Variants in CHCHD3 observed in about 807,000 individuals in gnomAD.
CHCHD3 encodes coiled-coil-helix-coiled-coil-helix domain containing 3.
CHCHD3 carries 20 observed loss-of-function variants against 38.2 expected under a neutral mutation model. The ratio of observed to expected loss-of-function variants is 0.52; its 90% CI spans 0.37 to 0.76. CHCHD3 has a LOEUF of 0.76. Ranked by LOEUF, CHCHD3 falls within the 30% of genes least tolerant of loss-of-function variation. The pLI is 0.00. For missense variants in CHCHD3, 245 were observed against 279.2 expected, an observed-to-expected ratio of 0.88 and a Z score of 0.87; for synonymous variants, 82 against 100.0, an observed-to-expected ratio of 0.82 and a Z score of 1.07.
At chr7:132,978,883 C>G (rs1811842953) in intron 3 of CHCHD3, among the ~76,000 whole-genome samples, 1 of 152,138 alleles carries the variant, frequency 6.6e-6, no homozygotes, top group Non-Finnish European at 1.5e-5. Context: ...TTCATCCTTA[C>G]AAATAGAACT....
chr7:133,004,618 A>T lies in CHCHD3; in HGVS notation c.251+19928T>A, dbSNP rs1458766437. Among the ~76,000 whole-genome samples the T allele has an allele frequency of 2.0e-5, 3 of 152,370 alleles. No homozygotes were observed. The East Asian group carries it at 5.8e-4, about 29-fold the overall frequency. On this transcript the variant is annotated intron_variant, in intron 3 of 7. Transcript: ENST00000262570. The stretch of plus-strand genomic sequence containing the variant: ...AGAAGTTGTATATCCAAAGAGAATG[A>T]GAACAGGACACTAACTAAAGACACT...
chr7:132,810,060 G>C (rs1033075658), intron 6 of CHCHD3, among the ~76,000 whole-genome samples: 1 of 152,140 alleles, frequency 6.6e-6, no homozygotes, highest in Admixed American at 6.5e-5. Context: ...AAGGTAACTG[G>C]TAAGGAAAAG....
At chr7:133,002,168 CA>C (rs1812591535) in intron 3 of CHCHD3, among the ~76,000 whole-genome samples, 1 of 152,128 alleles carries the variant, frequency 6.6e-6, no homozygotes, top group African/African-American at 2.4e-5. Flanking sequence ...ATCTTCACTT[CA>C]AAGAGAGAAA....
intron 6 of CHCHD3, among the ~76,000 whole-genome samples, chr7:132,835,399 T>C (rs1184550229): frequency 6.6e-6 from 1 of 152,224 alleles, no homozygotes; most frequent in Non-Finnish European, 1.5e-5. Flanking sequence ...AGTTTGGCCA[T>C]ATTATTAATT....
intron 4 of CHCHD3, among the ~76,000 whole-genome samples, chr7:132,965,045 A>T (rs1323094642): frequency 7.5e-6 from 1 of 133,240 alleles, no homozygotes; most frequent in Non-Finnish European, 1.7e-5. Flanking sequence ...TAGGCTCATA[A>T]TGCTATGGGT....
intron 2 of CHCHD3, among the ~76,000 whole-genome samples, chr7:133,030,279 T>C (rs749067777): frequency 3.9e-5 from 6 of 152,206 alleles, no homozygotes; most frequent in Non-Finnish European, 8.8e-5. Context: ...CTGATAGGTC[T>C]GACCCAAAGT....
chr7:132,796,519 G>A lies in CHCHD3; in HGVS notation c.583C>T (p.Arg195Cys), dbSNP rs747561997. The A allele has an allele frequency of 7.2e-5, 116 of 1,613,668 alleles. No homozygotes were observed. Among genetic ancestry groups the A allele is most frequent in the African/African-American group, 4.0e-4 (30 of 74,856 alleles). ...TTGAGGGTCTGGTGGGTGTTCTCACGGTAACACTGAAGAATTTTGGCCTGC... is the reference window on the plus strand; with the variant it reads ...TTGAGGGTCTGGTGGGTGTTCTCACAGTAACACTGAAGAATTTTGGCCTGC... ...DLQAKILQCY[R>C]ENTHQTLKCS... The change falls in exon 7 of 8, where the codon CGT becomes TGT. Residue 195 changes from arginine (R) to cysteine (C), a missense_variant. Coordinates refer to ENST00000262570, the MANE Select transcript of CHCHD3 (RefSeq NM_017812.4).
intron 7 of CHCHD3, among the ~76,000 whole-genome samples, chr7:132,793,908 T>C (rs576689921): frequency 6.6e-6 from 1 of 152,332 alleles, no homozygotes; most frequent in East Asian, 1.9e-4. Context: ...GGACTACGTA[T>C]CTTGCCGGAG....
intron 3 of CHCHD3, among the ~76,000 whole-genome samples, chr7:132,984,845 G>A (rs1812047140): frequency 8.4e-6 from 1 of 118,872 alleles, no homozygotes. Flanking sequence ...CGGTCTGGGA[G>A]GGAGGTGGGG....
rs187220121 is a variant in CHCHD3 at position 133,040,125 on chromosome 7, A to C, written c.170-15498T>G. ...CCTTTGTCAGACCTAGAAGAATCAA[A>C]GGATAGCCTCAAAAACATGCAGACT... On this transcript the variant is annotated intron_variant, in intron 2 of 7. Transcript: ENST00000262570. 1.4e-4 allele frequency among the ~76,000 whole-genome samples: 21 copies of C among 152,324 alleles called. 1 individual carries two copies. Among genetic ancestry groups the C allele is most frequent in the Admixed American group, 1.2e-3 (18 of 15,302 alleles).
At chr7:133,060,266 C>A (rs1418528479) in intron 2 of CHCHD3, among the ~76,000 whole-genome samples, 1 of 152,154 alleles carries the variant, frequency 6.6e-6, no homozygotes, top group Non-Finnish European at 1.5e-5. Flanking sequence ...GAGCTCAGCA[C>A]CAAAGCAAGG....
At chr7:133,046,111 GC>G (rs1329203647) in intron 2 of CHCHD3, among the ~76,000 whole-genome samples, 1 of 152,038 alleles carries the variant, frequency 6.6e-6, no homozygotes, top group Non-Finnish European at 1.5e-5. Context: ...ATATATTTTT[GC>G]TTTTGTAATT....
At chr7:133,060,800 C>T (rs898271160) in intron 2 of CHCHD3, among the ~76,000 whole-genome samples, 5 of 152,122 alleles carry the variant, frequency 3.3e-5, no homozygotes, top group Non-Finnish European at 7.3e-5. Flanking sequence ...ATCCCAGTTA[C>T]TCGGGAGGCT....
chr7:132,967,845 A>T (rs1216081196), intron 4 of CHCHD3, among the ~76,000 whole-genome samples: 1 of 147,986 alleles, frequency 6.8e-6, no homozygotes. Context: ...AAAAAAAAAG[A>T]ACCTAGGCAT....
At chr7:132,991,295 T>A (rs566359903) in intron 3 of CHCHD3, among the ~76,000 whole-genome samples, 1 of 152,300 alleles carries the variant, frequency 6.6e-6, no homozygotes, top group South Asian at 2.1e-4. Context: ...TATTTCTTTC[T>A]GTTTGGCACA....
At chr7:132,904,362 G>C (rs1434708593) in intron 4 of CHCHD3, among the ~76,000 whole-genome samples, 1 of 152,038 alleles carries the variant, frequency 6.6e-6, no homozygotes, top group Admixed American at 6.6e-5. Context: ...ACACTTTTAG[G>C]ATCACAAAGC....
At chr7:132,997,020 C>A (rs1322047496) in intron 3 of CHCHD3, among the ~76,000 whole-genome samples, 1 of 152,248 alleles carries the variant, frequency 6.6e-6, no homozygotes, top group Non-Finnish European at 1.5e-5. Flanking sequence ...CAGCTACATT[C>A]TAAGCCCGAG....
intron 4 of CHCHD3, among the ~76,000 whole-genome samples, chr7:132,920,200 T>G (rs1810226190): frequency 6.6e-6 from 1 of 152,164 alleles, no homozygotes; most frequent in Admixed American, 6.5e-5. Context: ...AAATAAAGTT[T>G]TATCGGAACA....
intron 4 of CHCHD3, among the ~76,000 whole-genome samples, chr7:132,963,405 G>A (rs1449843812): frequency 1.4e-5 from 2 of 148,076 alleles, no homozygotes; most frequent in South Asian, 4.2e-4. Flanking sequence ...GCCAAGGCGG[G>A]CGGATCACGA....
Sources: allele counts gnomAD v4.1 joint callset (sites outside exome capture counted in the v4.1 genomes callset), GRCh38; gene constraint gnomAD v4.1.1; transcripts MANE v1.5; gene names NCBI Gene and HGNC (gene_info 2026-07-23, HGNC 2026-07-21).